The following ASB13 variants were observed in gnomAD, a reference collection of about 807,000 sequenced individuals.
ASB13 encodes the protein ankyrin repeat and SOCS box containing 13.
Under a neutral mutation model 28.8 loss-of-function variants are expected in ASB13, and 33 were observed. The observed-to-expected ratio is 1.15, with a 90% CI of 0.87 to 1.53. ASB13 has a LOEUF of 1.53. Ranked by LOEUF, ASB13 falls within the 40% of genes most tolerant of loss-of-function variation. The pLI is 0.00. For missense variants in ASB13, 414 were observed against 390.1 expected (o/e 1.06, Z -0.52); for synonymous variants, 182 against 172.9 (o/e 1.05, Z -0.41).
chr10:5,649,138 T>G lies in ASB13; in HGVS notation c.383-34A>C. Reference sequence around the variant, plus strand: ...AAATGGAAAAGGGGGGGAATGTCCTTGAATACGGACACTGGAGACAACAAG... The same window carrying G: ...AAATGGAAAAGGGGGGGAATGTCCTGGAATACGGACACTGGAGACAACAAG... On this transcript the variant is annotated intron_variant, in intron 3 of 5. Transcript: ENST00000357700. The surrounding 1 kb of genome is among the most constrained non-coding windows in gnomAD (Gnocchi z 6.4). 3 of 1,612,974 alleles carry G rather than the reference T, an allele frequency of 1.9e-6. No individual in the cohort carries two copies. The highest frequency in any genetic ancestry group is 2.5e-6 in the Non-Finnish European group (3 of 1,179,750).
chr10:5,658,911 T>C lies in ASB13; in HGVS notation c.44-5861A>G, dbSNP rs1835113519. ...TTTCCTGACACCCCCAAACCACCGATGGCCCTTCCAGGGGGCGAAGAGACC... is the reference window on the plus strand; with the variant it reads ...TTTCCTGACACCCCCAAACCACCGACGGCCCTTCCAGGGGGCGAAGAGACC... On this transcript the variant is annotated intron_variant, in intron 1 of 5. Coordinates refer to ENST00000357700, the MANE Select transcript of ASB13 (RefSeq NM_024701.4). The surrounding 1 kb of genome is among the most constrained non-coding windows in gnomAD (Gnocchi z 4.2). 2.0e-5 allele frequency among the ~76,000 whole-genome samples: 3 copies of C among 152,082 alleles called. No homozygotes were observed. The South Asian group carries it at 6.2e-4, about 31-fold the overall frequency.
Position 5,649,444 on chromosome 10 carries a change from A to G in ASB13, c.383-340T>C, listed in dbSNP as rs894648812. Among the ~76,000 whole-genome samples, 9 of 151,240 alleles carry G rather than the reference A, an allele frequency of 6.0e-5. No individual in the cohort carries two copies. Among genetic ancestry groups the G allele is most frequent in the Non-Finnish European group, 1.0e-4 (7 of 67,712 alleles). ...TGCCCTGTGTCTACCTGCGGCTGTC[A>G]GCACTGAGCCCAGCCTCCCAGGAAA... On this transcript the variant is annotated intron_variant, in intron 3 of 5. Coordinates refer to ENST00000357700, the MANE Select transcript of ASB13 (RefSeq NM_024701.4). This position sits in a 1 kb window ranked among gnomAD's most constrained non-coding sequence, Gnocchi z 6.4.
chr10:5,640,976 A>G, intron 5 of ASB13, 146 bp from the exon 6 acceptor site: 4 of 1,097,864 alleles, frequency 3.6e-6, no homozygotes, highest in Non-Finnish European at 5.1e-6. Flanking sequence ...CTGGAAGGAC[A>G]GCCAGGAACC....
rs1554829322 is a variant in ASB13, at chr10:5,642,580, AT to A, written c.518-620del. 63 of 1,175,230 alleles carry A rather than the reference AT, an allele frequency of 5.4e-5. No homozygotes were observed. The highest frequency in any genetic ancestry group is 3.3e-4 in the African/African-American group (20 of 60,244). 72.8% of individuals were successfully genotyped at this position (1,175,230 alleles called of 1,614,324 possible). ...TGATTAAAAGTAAAGGTAAAAAAAA[AT>A]TTTTTTTTAAAAAAAAGAGCAGACA... is the stretch of plus-strand genomic sequence containing the variant. On this transcript the variant is annotated intron_variant, in intron 4 of 5. Coordinates refer to ENST00000357700, the MANE Select transcript of ASB13 (RefSeq NM_024701.4). This position sits in a 1 kb window ranked among gnomAD's most constrained non-coding sequence, Gnocchi z 4.1.
In ASB13 at chr10:5,652,797, T is replaced by G; in HGVS notation, c.231+66A>C. The G allele has an allele frequency of 1.4e-6, 2 of 1,438,202 alleles. No homozygotes were observed. Among genetic ancestry groups the G allele is most frequent in the South Asian group, 2.8e-5 (2 of 71,310 alleles). 89.1% of individuals were successfully genotyped at this position (1,438,202 alleles called of 1,614,324 possible). A position where few individuals can be genotyped will look rare whatever the true frequency, so the allele number is the denominator to read the frequency against. Reference sequence around the variant, plus strand: ...TCCTCCCCTCTTTCCCAAGTTCTCCTGAGTCAACCTCCTCCATTCTGGCAG... The same window carrying G: ...TCCTCCCCTCTTTCCCAAGTTCTCCGGAGTCAACCTCCTCCATTCTGGCAG... On this transcript the variant is annotated intron_variant, in intron 2 of 5. Transcript: ENST00000357700. This position sits in a 1 kb window ranked among gnomAD's most constrained non-coding sequence, Gnocchi z 5.0.
In ASB13 at chr10:5,642,836, GGTTTT is replaced by G. The variant is rs769710126; in HGVS notation, c.518-880_518-876del. ...ATTTTTCTATTTTTTGTAGAGACGG[GGTTTT>G]GCCGTGTTGGCCAGGTTGGTCTCGA... On this transcript the variant is annotated intron_variant, in intron 4 of 5. Transcript: ENST00000357700. The surrounding 1 kb of genome is among the most constrained non-coding windows in gnomAD (Gnocchi z 4.1). Among the ~76,000 whole-genome samples the G allele has an allele frequency of 2.6e-5, 4 of 152,012 alleles. No homozygotes were observed. The highest frequency in any genetic ancestry group is 4.4e-5 in the Non-Finnish European group (3 of 68,000).
chr10:5,642,284 G>A lies in ASB13; in HGVS notation c.518-323C>T, dbSNP rs1308983772. Among the ~76,000 whole-genome samples the A allele has an allele frequency of 1.3e-5, 2 of 152,232 alleles. No homozygotes were observed. The highest frequency in any genetic ancestry group is 1.3e-4 in the Admixed American group (2 of 15,292). On this transcript the variant is annotated intron_variant, in intron 4 of 5. Transcript: ENST00000357700. This position sits in a 1 kb window ranked among gnomAD's most constrained non-coding sequence, Gnocchi z 4.1. ...TAATGCCCTATCAATCTGCCTTCAG[G>A]GGTCCTGAGATTTCCGGAAGCTCAA...
Position 5,639,294 on chromosome 10 carries a change from G to A in ASB13, c.*1409C>T, listed in dbSNP as rs1355456489. On this transcript the variant is annotated 3_prime_UTR_variant, in exon 6 of 6. Transcript: ENST00000357700. Reference sequence around the variant, plus strand: ...CTGTTCCACACTGTCTGCGGTGGGAGGCTCGGGCCGGCCTGGGTGCATCCA... The same window carrying A: ...CTGTTCCACACTGTCTGCGGTGGGAAGCTCGGGCCGGCCTGGGTGCATCCA... 1 of 152,902 alleles carries A rather than the reference G, an allele frequency of 6.5e-6. No homozygotes were observed. Among genetic ancestry groups the A allele is most frequent in the Non-Finnish European group, 1.5e-5 (1 of 68,270 alleles). 9.5% of individuals were successfully genotyped at this position (152,902 alleles called of 1,614,324 possible).
At chr10:5,657,609 T>A (rs1009830929) in intron 1 of ASB13, among the ~76,000 whole-genome samples, 3 of 152,204 alleles carry the variant, frequency 2.0e-5, no homozygotes, top group African/African-American at 7.2e-5. Context: ...GAAGACTGTA[T>A]GGCAGTTCCT....
Position 5,656,719 on chromosome 10 carries a change from C to A in ASB13, c.44-3669G>T, listed in dbSNP as rs904989124. ...TGGGATTAAAAGGAAAGCATGTAAA[C>A]AACTAGCTATGTTTTGTTAAAGATT... On this transcript the variant is annotated intron_variant, in intron 1 of 5. Coordinates refer to ENST00000357700, the MANE Select transcript of ASB13 (RefSeq NM_024701.4). The surrounding 1 kb of genome is among the most constrained non-coding windows in gnomAD (Gnocchi z 4.3). Among the ~76,000 whole-genome samples, 7 of 152,164 alleles carry A rather than the reference C, an allele frequency of 4.6e-5. No homozygotes were observed. Among genetic ancestry groups the A allele is most frequent in the Non-Finnish European group, 8.8e-5 (6 of 68,032 alleles).
rs1253083406 is a variant in ASB13 at position 5,642,772 on chromosome 10, G to A, written c.518-811C>T. ...AGCGATTCTCCTGCCTCAGCCTCCC[G>A]AGTTGCTGGGATGACAGGTGTGCCA... On this transcript the variant is annotated intron_variant, in intron 4 of 5. Coordinates refer to ENST00000357700, the MANE Select transcript of ASB13 (RefSeq NM_024701.4). This position sits in a 1 kb window ranked among gnomAD's most constrained non-coding sequence, Gnocchi z 4.1. Among the ~76,000 whole-genome samples the A allele has an allele frequency of 1.3e-5, 2 of 151,694 alleles. No individual in the cohort carries two copies. Among genetic ancestry groups the A allele is most frequent in the Admixed American group, 6.6e-5 (1 of 15,230 alleles).
chr10:5,640,878 C>T, intron 5 of ASB13, 48 bp from the exon 6 acceptor site: 2 of 1,605,700 alleles, frequency 1.2e-6, no homozygotes, highest in Non-Finnish European at 1.7e-6. Context: ...CAGGAAGAAG[C>T]ACAACACCTG....
chr10:5,666,540 C>G lies in ASB13; in HGVS notation c.12G>C (p.Arg4=). Residue 4 remains arginine (R), a synonymous_variant, in exon 1 of 6, where the codon CGG becomes CGC. Transcript: ENST00000357700. The stretch of plus-strand genomic sequence containing the variant: ...CGCCCAGGAAGCAGCCGTCCGCCGC[C>G]CGGGGCTCCATGCGGCTCACCGGCG... MEP[R]AADGCFLGDV... is the part of the protein sequence containing the mutation. 1.6e-6 allele frequency: 2 copies of G among 1,242,714 alleles called. No individual in the cohort carries two copies. Among genetic ancestry groups the G allele is most frequent in the Non-Finnish European group, 1.0e-6 (1 of 988,482 alleles). The allele number at this position is 1,242,714 out of a possible 1,614,324, so 77.0% of individuals were successfully genotyped here.
At position 5,651,199 on chromosome 10, in the gene ASB13, G is replaced by A. The variant is rs768586261; in HGVS notation, c.382+14C>T. On this transcript the variant is annotated intron_variant, in intron 3 of 5. Coordinates refer to ENST00000357700, the MANE Select transcript of ASB13 (RefSeq NM_024701.4). The surrounding 1 kb of genome is among the most constrained non-coding windows in gnomAD (Gnocchi z 5.1). ...AGAGCCCAGCTGGGCCAGCCCAGCC[G>A]TCTGCCAACTCACCGCTCATGCAGG... The A allele has an allele frequency of 5.7e-5, 91 of 1,594,544 alleles. No individual in the cohort carries two copies. The highest frequency in any genetic ancestry group is 1.4e-4 in the East Asian group (6 of 43,872).
rs1333829147 is a variant in ASB13 at position 5,658,502 on chromosome 10, G to A, written c.44-5452C>T. On this transcript the variant is annotated intron_variant, in intron 1 of 5. Coordinates refer to ENST00000357700, the MANE Select transcript of ASB13 (RefSeq NM_024701.4). This position sits in a 1 kb window ranked among gnomAD's most constrained non-coding sequence, Gnocchi z 4.2. ...TGATTCCACTTATGTGAGGTCCCTC[G>A]AGTAGTCAAATTCATGGAGATGGAA... 1.3e-5 allele frequency among the ~76,000 whole-genome samples: 2 copies of A among 152,002 alleles called. No homozygotes were observed. Among genetic ancestry groups the A allele is most frequent in the Non-Finnish European group, 2.9e-5 (2 of 68,006 alleles).
At position 5,662,116 on chromosome 10, in the gene ASB13, G is replaced by C. The variant is rs1363962977; in HGVS notation, c.43+4393C>G. Among the ~76,000 whole-genome samples, 3 of 152,148 alleles carry C rather than the reference G, an allele frequency of 2.0e-5. No individual in the cohort carries two copies. The South Asian group carries it at 6.2e-4, about 32-fold the overall frequency. On this transcript the variant is annotated intron_variant, in intron 1 of 5. Coordinates refer to ENST00000357700, the MANE Select transcript of ASB13 (RefSeq NM_024701.4). ...GCTGCTCTCAATGGGCTCATCCTCA[G>C]CTCTCAGGGAAAAGTCAAGAGTCCT...
rs1200661271 is a variant in ASB13 at position 5,656,494 on chromosome 10, G to A, written c.44-3444C>T. On this transcript the variant is annotated intron_variant, in intron 1 of 5. Coordinates refer to ENST00000357700, the MANE Select transcript of ASB13 (RefSeq NM_024701.4). This position sits in a 1 kb window ranked among gnomAD's most constrained non-coding sequence, Gnocchi z 4.3. The stretch of plus-strand genomic sequence containing the variant: ...GCGGAGATTGCAGTGAGCTGAGATC[G>A]CACCATTGCATTCCAGCCTGGGCAA... 2.0e-5 allele frequency among the ~76,000 whole-genome samples: 3 copies of A among 150,776 alleles called. No individual in the cohort carries two copies. Among genetic ancestry groups the A allele is most frequent in the Non-Finnish European group, 2.9e-5 (2 of 67,920 alleles).
chr10:5,653,345 A>C (rs1032934387), intron 1 of ASB13, among the ~76,000 whole-genome samples: 1 of 152,196 alleles, frequency 6.6e-6, no homozygotes, highest in African/African-American at 2.4e-5. Context: ...ACTCCCCTGC[A>C]GTTGCACATC....
rs574391181 is a variant in ASB13 at position 5,658,960 on chromosome 10, C to G, written c.44-5910G>C. On this transcript the variant is annotated intron_variant, in intron 1 of 5. Transcript: ENST00000357700. This position sits in a 1 kb window ranked among gnomAD's most constrained non-coding sequence, Gnocchi z 4.2. Reference sequence around the variant, plus strand: ...CCCACTCTCTTCATAAACATCAGCCCCCAGCACCCACCACCACAGAGCAAT... The same window carrying G: ...CCCACTCTCTTCATAAACATCAGCCGCCAGCACCCACCACCACAGAGCAAT... Among the ~76,000 whole-genome samples, 131 of 152,264 alleles carry G rather than the reference C, an allele frequency of 8.6e-4. 1 individual carries two copies. The highest frequency in any genetic ancestry group is 3.0e-3 in the African/African-American group (126 of 41,534).
Sources: allele counts gnomAD v4.1 joint callset (sites outside exome capture counted in the v4.1 genomes callset), GRCh38; gene constraint gnomAD v4.1.1; non-coding constraint Gnocchi (gnomAD v3.1); transcripts MANE v1.5; gene names NCBI Gene and HGNC (gene_info 2026-07-23, HGNC 2026-07-21).